Variants in OPCML observed in about 807,000 individuals in gnomAD.
OPCML encodes opioid-binding protein/cell adhesion molecule.
Under a neutral mutation model 37.8 loss-of-function variants are expected in OPCML, and 13 were observed. That is an observed-to-expected ratio of 0.34 (90% CI 0.22 to 0.55). The LOEUF (loss-of-function observed/expected upper bound fraction) is 0.55. Ranked by LOEUF, OPCML falls within the 20% of genes least tolerant of loss-of-function variation. OPCML has a pLI of 0.91. For synonymous variants in OPCML, 176 were observed against 168.8 expected (o/e 1.04, Z -0.33); for missense variants, 341 against 435.6 (o/e 0.78, Z 1.93).
chr11:133,057,856 G>T (rs963449920), intron 1 of OPCML, among the ~76,000 whole-genome samples: 20 of 152,164 alleles, frequency 1.3e-4, no homozygotes, highest in African/African-American at 4.6e-4. Context: ...CTCCTGCAGT[G>T]CCAGAGACAA....
intron 1 of OPCML, among the ~76,000 whole-genome samples, chr11:132,967,429 A>C (rs138695558): frequency 2.0e-5 from 3 of 152,258 alleles, no homozygotes; most frequent in East Asian, 3.9e-4. Flanking sequence ...AAGGAAAACA[A>C]GTATCTATTT....
intron 1 of OPCML, among the ~76,000 whole-genome samples, chr11:133,260,172 C>T (rs115770865): frequency 2.5e-4 from 38 of 151,704 alleles, no homozygotes; most frequent in African/African-American, 8.9e-4. Context: ...GGTCCCCAGA[C>T]ATGCTGGGCA....
chr11:133,432,267 TAGTC>T (rs1468786122), intron 1 of OPCML, among the ~76,000 whole-genome samples: 1 of 152,250 alleles, frequency 6.6e-6, no homozygotes, highest in East Asian at 1.9e-4. Context: ...AATCAGTTCT[TAGTC>T]TGTCTTTACT....
intron 2 of OPCML, among the ~76,000 whole-genome samples, chr11:132,848,113 C>A (rs1170887695): frequency 6.6e-6 from 1 of 152,170 alleles, no homozygotes; most frequent in Non-Finnish European, 1.5e-5. Context: ...ATTAACTAAA[C>A]TTTTTAAGAT....
intron 1 of OPCML, among the ~76,000 whole-genome samples, chr11:132,976,842 T>C (rs1162228826): frequency 6.6e-6 from 1 of 152,234 alleles, no homozygotes; most frequent in Non-Finnish European, 1.5e-5. Flanking sequence ...CTGCCAAATA[T>C]GTGAATGAGT....
chr11:132,691,758 AT>A (rs1312231896), intron 2 of OPCML, among the ~76,000 whole-genome samples: 4 of 152,220 alleles, frequency 2.6e-5, no homozygotes, highest in Admixed American at 1.3e-4. Flanking sequence ...GATTATTGTC[AT>A]GATTTAAATG....
intron 1 of OPCML, among the ~76,000 whole-genome samples, chr11:133,001,134 TC>T (rs1429708587): frequency 6.6e-6 from 1 of 152,168 alleles, no homozygotes; most frequent in Non-Finnish European, 1.5e-5. Flanking sequence ...TCTCAGTTAT[TC>T]CTTAATAATG....
intron 1 of OPCML, among the ~76,000 whole-genome samples, chr11:133,247,635 ACT>A (rs1185289202): frequency 2.0e-5 from 2 of 100,972 alleles, no homozygotes; most frequent in Non-Finnish European, 3.9e-5. Context: ...GCTGAGTCTC[ACT>A]CTATTGCCCA....
intron 1 of OPCML, among the ~76,000 whole-genome samples, chr11:133,441,122 T>C (rs1397289481): frequency 1.3e-5 from 2 of 151,918 alleles, no homozygotes; most frequent in African/African-American, 2.4e-5. Flanking sequence ...TATTATCTTA[T>C]ATGTTAGCAC....
intron 1 of OPCML, among the ~76,000 whole-genome samples, chr11:133,239,480 T>C (rs1940645088): frequency 1.3e-5 from 2 of 152,154 alleles, no homozygotes; most frequent in South Asian, 4.1e-4. Flanking sequence ...AAAGGGGCCT[T>C]GGGGGAGCTG....
At chr11:132,422,438 G>A (rs1181835837) in intron 7 of OPCML, among the ~76,000 whole-genome samples, 1 of 152,114 alleles carries the variant, frequency 6.6e-6, no homozygotes, top group Non-Finnish European at 1.5e-5. Flanking sequence ...CGGATGCTTG[G>A]TGCTTACTGG....
At chr11:132,759,070 G>A (rs1479579872) in intron 2 of OPCML, among the ~76,000 whole-genome samples, 1 of 152,138 alleles carries the variant, frequency 6.6e-6, no homozygotes, top group African/African-American at 2.4e-5. Flanking sequence ...ATGTGGTTTT[G>A]TCATTGGTTC....
intron 3 of OPCML, among the ~76,000 whole-genome samples, chr11:132,545,212 A>T: frequency 6.6e-6 from 1 of 152,156 alleles, no homozygotes; most frequent in East Asian, 1.9e-4. Context: ...TGGTAATGTC[A>T]CTACACTTGA....
At chr11:132,841,136 C>T (rs988797170) in intron 2 of OPCML, among the ~76,000 whole-genome samples, 5 of 152,138 alleles carry the variant, frequency 3.3e-5, no homozygotes, top group African/African-American at 4.8e-5. Flanking sequence ...AAGCATTAGC[C>T]GTTAAAGCAG....
chr11:133,216,545 A>G (rs935157334), intron 1 of OPCML, among the ~76,000 whole-genome samples: 1 of 152,186 alleles, frequency 6.6e-6, no homozygotes, highest in Non-Finnish European at 1.5e-5. Context: ...TCTGCCATTG[A>G]TCACCTATTT....
At chr11:133,437,092 T>A (rs938811300) in intron 1 of OPCML, among the ~76,000 whole-genome samples, 3 of 152,204 alleles carry the variant, frequency 2.0e-5, no homozygotes, top group African/African-American at 7.2e-5. Flanking sequence ...TTTTAGCACA[T>A]CTATCTAATT....
At chr11:132,902,262 C>A (rs1214326136) in intron 2 of OPCML, among the ~76,000 whole-genome samples, 2 of 152,090 alleles carry the variant, frequency 1.3e-5, no homozygotes, top group Non-Finnish European at 2.9e-5. Context: ...AAGTTGTTAG[C>A]CCGATGGGGA....
chr11:132,718,218 C>G (rs924930072), intron 2 of OPCML, among the ~76,000 whole-genome samples: 2 of 152,138 alleles, frequency 1.3e-5, no homozygotes, highest in African/African-American at 4.8e-5. Flanking sequence ...AGATTCTCCT[C>G]GAGCTCAAGC....
At chr11:132,613,596 A>C (rs2575893) in intron 3 of OPCML, among the ~76,000 whole-genome samples, 41,040 of 152,084 alleles carry the variant, frequency 0.27, 6,627 homozygotes, top group East Asian at 0.66. Context: ...GTTCTTCCCC[A>C]TTCCTTGTAT....
Sources: allele counts gnomAD v4.1 joint callset (sites outside exome capture counted in the v4.1 genomes callset), GRCh38; gene constraint gnomAD v4.1.1; transcripts MANE v1.5; gene names NCBI Gene and HGNC (gene_info 2026-07-23, HGNC 2026-07-21).